The following RABEPK variants were observed in gnomAD, a reference collection of about 807,000 sequenced individuals.
RABEPK encodes the protein 40 kDa Rab9 effector protein.
In RABEPK, 27 loss-of-function variants were observed where a neutral mutation model predicts 34.1. The ratio of observed to expected loss-of-function variants is 0.79; its 90% CI spans 0.58 to 1.09. RABEPK has a LOEUF of 1.09. Among genes scored for constraint, RABEPK ranks in the 50% least tolerant of loss-of-function variants. The probability of loss-of-function intolerance (pLI) is 0.00; values close to 1 mark genes in which losing one functional copy is unlikely to be tolerated. For missense variants in RABEPK, 449 were observed against 462.6 expected, an observed-to-expected ratio of 0.97 and a Z score of 0.27; for synonymous variants, 172 against 169.2, an observed-to-expected ratio of 1.02 and a Z score of -0.13.
chr9:125,208,160 C>G (rs1038033735), intron 3 of RABEPK, among the ~76,000 whole-genome samples: 50 of 152,040 alleles, frequency 3.3e-4, no homozygotes, highest in African/African-American at 1.2e-3. Flanking sequence ...GTCAGCATCA[C>G]TGACAGATCC....
intron 6 of RABEPK, 43 bp downstream of exon 6, chr9:125,228,102 T>A: frequency 7.8e-7 from 1 of 1,280,000 alleles, no homozygotes; most frequent in Non-Finnish European, 1.0e-6. Flanking sequence ...ATTGTTATTT[T>A]TATTTATTTA....
intron 4 of RABEPK, 148 bp from the exon 5 acceptor site, chr9:125,220,391 G>C (rs759754555): frequency 6.8e-7 from 1 of 1,466,278 alleles, no homozygotes. Flanking sequence ...ATTCTTCCTT[G>C]ATGTTTGTGA....
At chr9:125,233,363 G>A (rs564699942) in intron 7 of RABEPK, among the ~76,000 whole-genome samples, 1 of 134,054 alleles carries the variant, frequency 7.5e-6, no homozygotes, top group East Asian at 2.1e-4. Flanking sequence ...GTCTGAGATG[G>A]AGTCTCACTC....
intron 5 of RABEPK, among the ~76,000 whole-genome samples, chr9:125,227,155 A>ACCGAAACTTTGT (rs1167135195): frequency 1.3e-5 from 2 of 152,000 alleles, no homozygotes; most frequent in Non-Finnish European, 2.9e-5. Context: ...GGGCGACAAG[A>ACCGAAACTTTGT]CCGAAACTTT....
Position 125,210,839 on chromosome 9 carries a change from G to GT in RABEPK, c.212-2527dup, listed in dbSNP as rs201607797. ...CATTTCCCTATTGTTTTAATCTTAA[G>GT]TTTTGTTTTTTTTTTTGAAATGGAG... On this transcript the variant is annotated intron_variant, in intron 3 of 7. Transcript: ENST00000373538. 9.4e-4 allele frequency among the ~76,000 whole-genome samples: 127 copies of GT among 135,502 alleles called. 2 individuals are homozygous for GT. The highest frequency in any genetic ancestry group is 2.3e-3 in the South Asian group (10 of 4,320). 88.9% of individuals were successfully genotyped at this position (135,502 alleles called of 152,430 possible). A position where few individuals can be genotyped will look rare whatever the true frequency, so the allele number is the denominator to read the frequency against.
chr9:125,217,365 G>T (rs531589550), intron 4 of RABEPK, among the ~76,000 whole-genome samples: 1 of 152,210 alleles, frequency 6.6e-6, no homozygotes, highest in Non-Finnish European at 1.5e-5. Flanking sequence ...AATTTGGAAA[G>T]CTGTCAAAGA....
At chr9:125,223,686 C>T (rs1831519369) in intron 5 of RABEPK, among the ~76,000 whole-genome samples, 1 of 148,158 alleles carries the variant, frequency 6.7e-6, no homozygotes. Context: ...AATTGCACCA[C>T]TGCACTCCAG....
At chr9:125,201,635 G>T (rs186140465) in intron 1 of RABEPK, among the ~76,000 whole-genome samples, 1 of 151,978 alleles carries the variant, frequency 6.6e-6, no homozygotes, top group East Asian at 1.9e-4. Flanking sequence ...TTTTTTTGAG[G>T]AGGAGTCTTG....
At chr9:125,202,016 G>C (rs1588316446) in intron 1 of RABEPK, among the ~76,000 whole-genome samples, 1 of 149,956 alleles carries the variant, frequency 6.7e-6, no homozygotes, top group East Asian at 2.0e-4. Context: ...TTCAAGACCA[G>C]CCTGGCGAAC....
In RABEPK at chr9:125,234,077, T is replaced by G. The variant is rs1832421024; in HGVS notation, c.*97T>G. On this transcript the variant is annotated 3_prime_UTR_variant, in exon 8 of 8. Transcript: ENST00000373538. ...TCCAAAATATCTTCTGCATTATATATCTGTTTTTCTCCTACTTTGGTAGGT... is the reference window on the plus strand; with the variant it reads ...TCCAAAATATCTTCTGCATTATATAGCTGTTTTTCTCCTACTTTGGTAGGT... 7.3e-6 allele frequency: 9 copies of G among 1,231,972 alleles called. No individual in the cohort carries two copies. In the South Asian group the frequency reaches 1.3e-4, roughly 18 times the overall value. 76.3% of individuals were successfully genotyped at this position (1,231,972 alleles called of 1,614,324 possible). A position where few individuals can be genotyped will look rare whatever the true frequency, so the allele number is the denominator to read the frequency against.
Position 125,234,081 on chromosome 9 carries a change from T to A in RABEPK, c.*101T>A. The A allele has an allele frequency of 8.3e-7, 1 of 1,209,588 alleles. No individual in the cohort carries two copies. Among genetic ancestry groups the A allele is most frequent in the Non-Finnish European group, 1.2e-6 (1 of 855,192 alleles). The allele number at this position is 1,209,588 out of a possible 1,614,324, so 74.9% of individuals were successfully genotyped here. Reference sequence around the variant, plus strand: ...AAATATCTTCTGCATTATATATCTGTTTTTCTCCTACTTTGGTAGGTGAAG... The same window carrying A: ...AAATATCTTCTGCATTATATATCTGATTTTCTCCTACTTTGGTAGGTGAAG... On this transcript the variant is annotated 3_prime_UTR_variant, in exon 8 of 8. Transcript: ENST00000373538.
chr9:125,201,186 G>A (rs1373076084), intron 1 of RABEPK, among the ~76,000 whole-genome samples: 1 of 152,242 alleles, frequency 6.6e-6, no homozygotes, highest in African/African-American at 2.4e-5. Context: ...GAAGAGAAAA[G>A]GGCAAATCAG....
At chr9:125,224,213 CA>C (rs904628663) in intron 5 of RABEPK, among the ~76,000 whole-genome samples, 60 of 117,344 alleles carry the variant, frequency 5.1e-4, no homozygotes, top group Middle Eastern at 4.3e-3. Flanking sequence ...AAAAACAAAA[CA>C]AAAAAAAAAA....
At position 125,200,646 on chromosome 9, in the gene RABEPK, C is replaced by G. The variant is rs1829845553; in HGVS notation, c.-267C>G. 1 of 470,256 alleles carries G rather than the reference C, an allele frequency of 2.1e-6. No homozygotes were observed. The highest frequency in any genetic ancestry group is 2.0e-5 in the African/African-American group (1 of 50,086). 29.1% of individuals were successfully genotyped at this position (470,256 alleles called of 1,614,324 possible). A position where few individuals can be genotyped will look rare whatever the true frequency, so the allele number is the denominator to read the frequency against. ...ATACCGGGTCTATCACGGTCTCGGG[C>G]AGGGAGTCTGAATCTTTTAGGGGAG... On this transcript the variant is annotated 5_prime_UTR_variant, in exon 1 of 8. Transcript: ENST00000373538.
chr9:125,201,661 G>A (rs1588314977), intron 1 of RABEPK, among the ~76,000 whole-genome samples: 1 of 151,958 alleles, frequency 6.6e-6, no homozygotes, highest in African/African-American at 2.4e-5. Flanking sequence ...TCGCCAGGCT[G>A]GAGTGCAAGT....
intron 4 of RABEPK, among the ~76,000 whole-genome samples, chr9:125,217,325 A>G (rs374371112): frequency 5.9e-5 from 9 of 152,212 alleles, no homozygotes; most frequent in Non-Finnish European, 1.3e-4. Context: ...ATTTTCAACA[A>G]TGGTATCCAT....
rs547871857 is a variant in RABEPK, at chr9:125,202,340, G to A, written c.-6-668G>A. On this transcript the variant is annotated intron_variant, in intron 1 of 7. Transcript: ENST00000373538. ...GTTAGTGACCAGCCTGGCCAGTGTG[G>A]TAAAACCCCGTCTCTACTAGAAAAG... 2.6e-5 allele frequency among the ~76,000 whole-genome samples: 4 copies of A among 151,586 alleles called. No individual in the cohort carries two copies. The South Asian group carries it at 8.3e-4, about 32-fold the overall frequency.
rs76114327 is a variant in RABEPK, at chr9:125,213,519, C to A, written c.361C>A (p.Pro121Thr). ...TCGAAATTGTCTACAAGTCCTGAATCCTGGTAAGTAGCCAAAGGTTATTTT... is the reference window on the plus strand; with the variant it reads ...TCGAAATTGTCTACAAGTCCTGAATACTGGTAAGTAGCCAAAGGTTATTTT... The part of the protein sequence containing the change: ...GNRNCLQVLN[P>T]ETRTWTTPEV... The change falls in exon 4 of 8, where the codon CCT (proline) becomes ACT (threonine). Residue 121 changes from proline to threonine, a missense_variant. Coordinates refer to ENST00000373538, the MANE Select transcript of RABEPK (RefSeq NM_005833.4). 6.2e-7 allele frequency: 1 copy of A among 1,613,012 alleles called. No homozygotes were observed. Among genetic ancestry groups the A allele is most frequent in the South Asian group, 1.1e-5 (1 of 90,864 alleles).
chr9:125,229,066 C>T (rs528266728), intron 6 of RABEPK, among the ~76,000 whole-genome samples: 38 of 151,680 alleles, frequency 2.5e-4, no homozygotes, highest in Middle Eastern at 3.4e-3. Flanking sequence ...CCAGCCTGGC[C>T]AACATGGTGA....
Sources: allele counts gnomAD v4.1 joint callset (sites outside exome capture counted in the v4.1 genomes callset), GRCh38; gene constraint gnomAD v4.1.1; transcripts MANE v1.5; gene names NCBI Gene and HGNC (gene_info 2026-07-23, HGNC 2026-07-21).